The following CABCOCO1 variants were observed in gnomAD, a reference collection of about 807,000 sequenced individuals.
The protein encoded by CABCOCO1 is ciliary associated calcium binding coiled-coil 1, also known as ciliary-associated calcium-binding coiled-coil protein 1.
CABCOCO1 carries 28 observed loss-of-function variants against 35.7 expected under a neutral mutation model. The observed-to-expected ratio is 0.78, with a 90% CI of 0.58 to 1.07. The LOEUF is 1.07. CABCOCO1 is among the 50% of genes least tolerant of loss of function. CABCOCO1 has a pLI of 0.00. For missense variants in CABCOCO1, 326 were observed against 309.2 expected (o/e 1.05, Z -0.41); for synonymous variants, 95 against 100.1 (o/e 0.95, Z 0.30).
chr10:61,750,287 C>T (rs1272699165), intron 5 of CABCOCO1, among the ~76,000 whole-genome samples: 1 of 152,174 alleles, frequency 6.6e-6, no homozygotes, highest in African/African-American at 2.4e-5. Flanking sequence ...TTAAAAATAA[C>T]TACTGGGCCA....
intron 5 of CABCOCO1, among the ~76,000 whole-genome samples, chr10:61,697,884 G>C (rs1424351702): frequency 2.6e-5 from 4 of 152,000 alleles, no homozygotes; most frequent in Admixed American, 1.3e-4. Context: ...TGCTTTACAA[G>C]TGTGTTGCTA....
At chr10:61,706,375 G>C (rs1840592682) in intron 5 of CABCOCO1, among the ~76,000 whole-genome samples, 1 of 152,136 alleles carries the variant, frequency 6.6e-6, no homozygotes, top group Admixed American at 6.5e-5. Flanking sequence ...AAATGCAAAT[G>C]AGCATAACTC....
chr10:61,695,115 T>A (rs557911268), intron 5 of CABCOCO1, among the ~76,000 whole-genome samples: 9 of 151,660 alleles, frequency 5.9e-5, no homozygotes, highest in African/African-American at 2.2e-4. Flanking sequence ...TGCTTGAAAA[T>A]AATTATCCTT....
At chr10:61,683,680 C>T (rs1230290547) in intron 3 of CABCOCO1, among the ~76,000 whole-genome samples, 1 of 152,154 alleles carries the variant, frequency 6.6e-6, no homozygotes, top group East Asian at 1.9e-4. Flanking sequence ...TTTCATTACT[C>T]TAAGTTTTCA....
intron 1 of CABCOCO1, among the ~76,000 whole-genome samples, chr10:61,667,098 G>C (rs12241760): frequency 7.3e-6 from 1 of 137,508 alleles, no homozygotes; most frequent in African/African-American, 2.7e-5. Context: ...ATTTCATATA[G>C]TATATATAAA....
intron 3 of CABCOCO1, among the ~76,000 whole-genome samples, chr10:61,685,813 T>A (rs570147079): frequency 6.6e-6 from 1 of 152,336 alleles, no homozygotes; most frequent in East Asian, 1.9e-4. Context: ...TCCACCCACC[T>A]TGGCCTCCCA....
In CABCOCO1 at chr10:61,760,903, A is replaced by G. The variant is rs1435875460; in HGVS notation, c.716A>G (p.Glu239Gly). The change falls in exon 7 of 8, where the codon GAA becomes GGA. Residue 239 changes from glutamate (E) to glycine (G), a missense_variant. By Grantham distance (98) the Glu-to-Gly change is moderately conservative. Transcript: ENST00000648843. ...QEQGPEESQP[E>G]TDTSDMDPLV... The stretch of plus-strand genomic sequence containing the variant: ...CAAGGCCCTGAGGAGTCTCAGCCAG[A>G]AACTGACACCTCAGACATGGATCCT... 3 of 1,612,640 alleles carry G rather than the reference A, an allele frequency of 1.9e-6. No homozygotes were observed. Among genetic ancestry groups the G allele is most frequent in the East Asian group, 4.5e-5 (2 of 44,878 alleles).
intron 5 of CABCOCO1, among the ~76,000 whole-genome samples, chr10:61,707,463 C>T (rs1840621157): frequency 6.6e-6 from 1 of 152,130 alleles, no homozygotes; most frequent in African/African-American, 2.4e-5. Flanking sequence ...CCATTTTCTA[C>T]TTATCACCTG....
Position 61,686,061 on chromosome 10 carries a change from G to A in CABCOCO1, c.355G>A (p.Glu119Lys). The part of the protein sequence containing the change: ...NLKTLHMSLE[E>K]SIKWLGEVMA... ...TTCAGCACTACATATGTCCTTAGAG[G>A]AAAGCATAAAATGGCTTGGAGAAGT... Residue 119 changes from glutamate (E) to lysine (K), a missense_variant, in exon 4 of 8, where the codon GAA (glutamate) becomes AAA (lysine). By Grantham distance (56) the Glu-to-Lys change is moderately conservative. Transcript: ENST00000648843. The A allele has an allele frequency of 6.2e-7, 1 of 1,605,516 alleles. No individual in the cohort carries two copies.
At chr10:61,735,849 G>A (rs1341075374) in intron 5 of CABCOCO1, among the ~76,000 whole-genome samples, 1 of 152,076 alleles carries the variant, frequency 6.6e-6, no homozygotes, top group South Asian at 2.1e-4. Flanking sequence ...TCAGAACCCC[G>A]ACCATGTAGC....
At chr10:61,758,174 C>A (rs1340944526) in intron 5 of CABCOCO1, among the ~76,000 whole-genome samples, 1 of 152,088 alleles carries the variant, frequency 6.6e-6, no homozygotes, top group Admixed American at 6.6e-5. Flanking sequence ...CCACTCCAAA[C>A]TTCCTGTTCC....
intron 5 of CABCOCO1, among the ~76,000 whole-genome samples, chr10:61,709,710 A>G (rs1364255432): frequency 2.0e-5 from 3 of 151,864 alleles, no homozygotes; most frequent in Admixed American, 6.6e-5. Flanking sequence ...AAAAAAATGT[A>G]TAGAGACAAC....
chr10:61,741,518 A>G (rs1056820835), intron 5 of CABCOCO1, among the ~76,000 whole-genome samples: 1 of 152,204 alleles, frequency 6.6e-6, no homozygotes, highest in African/African-American at 2.4e-5. Context: ...TATGAAGAAA[A>G]CTTGCTAAAT....
intron 2 of CABCOCO1, among the ~76,000 whole-genome samples, chr10:61,679,057 A>G (rs1365445056): frequency 6.6e-6 from 1 of 152,112 alleles, no homozygotes; most frequent in Non-Finnish European, 1.5e-5. Context: ...AAGGACTTCC[A>G]TTTTTGAAGA....
chr10:61,713,571 G>A (rs930353788), intron 5 of CABCOCO1, among the ~76,000 whole-genome samples: 10 of 152,162 alleles, frequency 6.6e-5, no homozygotes, highest in Admixed American at 2.6e-4. Flanking sequence ...GTGAGAGAGG[G>A]CATCCTTGTC....
In CABCOCO1 at chr10:61,709,510, A is replaced by T. The variant is rs552145913; in HGVS notation, c.552+18889A>T. On this transcript the variant is annotated intron_variant, in intron 5 of 7. Transcript: ENST00000648843. ...GCCATAAAAACTCAGTTAAAATTTC[A>T]CAGTAAGTGCCTAGTGCCTTCACAC... 9.7e-4 allele frequency among the ~76,000 whole-genome samples: 147 copies of T among 152,118 alleles called. No individual in the cohort carries two copies. The Middle Eastern group carries it at 0.01, about 11-fold the overall frequency.
At chr10:61,686,927 A>G (rs767130996) in intron 4 of CABCOCO1, among the ~76,000 whole-genome samples, 100 of 152,272 alleles carry the variant, frequency 6.6e-4, no homozygotes, top group Non-Finnish European at 1.2e-3. Context: ...GTAGGTTAAA[A>G]TCTTTTGTCA....
At chr10:61,731,373 G>T (rs567233585) in intron 5 of CABCOCO1, among the ~76,000 whole-genome samples, 149 of 151,866 alleles carry the variant, frequency 9.8e-4, no homozygotes, top group Non-Finnish European at 1.6e-3. Context: ...TCTTGTTTTC[G>T]TTGGGTTTTG....
At chr10:61,683,537 G>A (rs887252023) in intron 3 of CABCOCO1, among the ~76,000 whole-genome samples, 2 of 152,016 alleles carry the variant, frequency 1.3e-5, no homozygotes, top group Non-Finnish European at 2.9e-5. Context: ...TTCCAGCCTG[G>A]GCAACACAGC....
Sources: allele counts gnomAD v4.1 joint callset (sites outside exome capture counted in the v4.1 genomes callset), GRCh38; gene constraint gnomAD v4.1.1; transcripts MANE v1.5; gene names NCBI Gene and HGNC (gene_info 2026-07-23, HGNC 2026-07-21).